DOCK9: variants seen among roughly 807,000 people sequenced by gnomAD.
DOCK9 encodes the protein dedicator of cytokinesis 9.
Under a neutral mutation model 263.3 loss-of-function variants are expected in DOCK9, and 89 were observed. The ratio of observed to expected loss-of-function variants is 0.34; its 90% CI spans 0.28 to 0.40. The LOEUF (loss-of-function observed/expected upper bound fraction) is 0.40, where lower values mean the gene tolerates loss of function less well. Among genes scored for constraint, DOCK9 ranks in the 10% least tolerant of loss-of-function variants. The probability of loss-of-function intolerance (pLI) is 1.00; values close to 1 mark genes in which losing one functional copy is unlikely to be tolerated. For missense variants in DOCK9, 2,140 were observed against 2,603.4 expected (o/e 0.82, Z 3.87); for synonymous variants, 976 against 973.1 (o/e 1.00, Z -0.06).
At chr13:98,873,539 C>T (rs532483256) in intron 27 of DOCK9, among the ~76,000 whole-genome samples, 1 of 152,216 alleles carries the variant, frequency 6.6e-6, no homozygotes. Flanking sequence ...ACCGTCATGG[C>T]TAACTCTGGC....
chr13:99,045,597 C>T (rs903220835), intron 1 of DOCK9, among the ~76,000 whole-genome samples: 1 of 152,056 alleles, frequency 6.6e-6, no homozygotes, highest in Non-Finnish European at 1.5e-5. Flanking sequence ...AAATAAATAG[C>T]TGAGAGTAGA....
chr13:98,853,462 C>G lies in DOCK9; in HGVS notation c.3892G>C (p.Glu1298Gln). ...VVRCDKLDQS[E>Q]IKSLLMCFLY... is the part of the protein sequence containing the mutation. ...AAACACATCAGTAGGCTCTTAATCT[C>G]AGACTGGTCAAGTTTATCACAGCGA... Residue 1298 changes from glutamate to glutamine, a missense_variant, in exon 35 of 53, where the codon GAG (glutamate) becomes CAG (glutamine). This residue lies in a region of DOCK9 where 1,521 missense variants were observed against 1,741.7 expected (regional missense o/e 0.87). Transcript: ENST00000682017. The G allele has an allele frequency of 6.2e-7, 1 of 1,613,736 alleles. No homozygotes were observed. Among genetic ancestry groups the G allele is most frequent in the African/African-American group, 1.3e-5 (1 of 75,028 alleles).
chr13:98,804,336 C>T (rs1181364642), intron 49 of DOCK9, among the ~76,000 whole-genome samples: 3 of 152,198 alleles, frequency 2.0e-5, no homozygotes, highest in Admixed American at 2.0e-4. Context: ...GTAAAAATCA[C>T]CCCAGGATGA....
chr13:98,815,768 A>C (rs1294196070), intron 45 of DOCK9, among the ~76,000 whole-genome samples: 1 of 152,138 alleles, frequency 6.6e-6, no homozygotes, highest in African/African-American at 2.4e-5. Context: ...GGCGTGAGCC[A>C]CCGCGCCCGG....
intron 5 of DOCK9, 92 bp downstream of exon 5, chr13:98,923,210 T>C (rs1482080334): frequency 3.9e-6 from 5 of 1,272,036 alleles, no homozygotes; most frequent in African/African-American, 1.5e-5. Flanking sequence ...TTTGGCTAAA[T>C]GTCGGTAATT....
chr13:98,883,550 C>A (rs1225988657), intron 22 of DOCK9, among the ~76,000 whole-genome samples: 1 of 152,138 alleles, frequency 6.6e-6, no homozygotes, highest in Non-Finnish European at 1.5e-5. Context: ...CCAGCCTCAT[C>A]TTATTAAGAC....
chr13:98,948,972 T>C (rs1231640306), intron 2 of DOCK9, among the ~76,000 whole-genome samples: 1 of 152,216 alleles, frequency 6.6e-6, no homozygotes, highest in Non-Finnish European at 1.5e-5. Flanking sequence ...CTTGGGTTGC[T>C]TCCCGCTTTC....
chr13:99,074,791 A>G (rs542546066), intron 1 of DOCK9, among the ~76,000 whole-genome samples: 26 of 152,330 alleles, frequency 1.7e-4, no homozygotes, highest in African/African-American at 6.3e-4. Flanking sequence ...AGTTGCAGCA[A>G]GCTTGGCCCA....
At chr13:98,952,015 A>G (rs536061075) in intron 2 of DOCK9, among the ~76,000 whole-genome samples, 58 of 150,936 alleles carry the variant, frequency 3.8e-4, no homozygotes, top group Non-Finnish European at 5.6e-4. Flanking sequence ...CTCTTGCCTC[A>G]GCCTCCCAAG....
intron 1 of DOCK9, among the ~76,000 whole-genome samples, chr13:98,999,745 A>G (rs1352077967): frequency 6.6e-6 from 1 of 152,222 alleles, no homozygotes; most frequent in Non-Finnish European, 1.5e-5. Flanking sequence ...TTTTCAGATA[A>G]ACATGCATCT....
intron 1 of DOCK9, among the ~76,000 whole-genome samples, chr13:99,048,313 G>A (rs945863021): frequency 2.6e-5 from 4 of 152,190 alleles, no homozygotes; most frequent in Non-Finnish European, 5.9e-5. Context: ...CAGCCTGCGT[G>A]CACCCCAGCG....
In DOCK9 at chr13:98,860,498, G is replaced by C. The variant is rs747802586; in HGVS notation, c.3604C>G (p.Leu1202Val). 2.5e-6 allele frequency: 4 copies of C among 1,575,550 alleles called. No homozygotes were observed. In the African/African-American group the frequency reaches 4.0e-5, roughly 16 times the overall value. The change falls in exon 33 of 53, where the codon CTA becomes GTA. Residue 1202 changes from leucine (L) to valine (V), a missense_variant. Physicochemically the swap from Leu to Val is conservative, Grantham distance 32. Around this residue, in one of 2 missense-constraint regions of DOCK9, gnomAD observed 1,521 missense variants for 1,741.7 expected, o/e 0.87. Transcript: ENST00000682017. ...GTCACCAGCGGATTCACAGCTGGTA[G>C]AGCCAGGGATTCATCCTTCACAGTC... is the stretch of plus-strand genomic sequence containing the variant. ...GMTVKDESLA[L>V]PAVNPLVTPQ...
intron 39 of DOCK9, among the ~76,000 whole-genome samples, chr13:98,832,327 T>A (rs1010573707): frequency 1.3e-5 from 2 of 152,130 alleles, no homozygotes; most frequent in African/African-American, 4.8e-5. Context: ...AGGCATGAAT[T>A]TGCACAGGTA....
chr13:98,889,387 T>A (rs2046284211), intron 15 of DOCK9, among the ~76,000 whole-genome samples: 1 of 152,138 alleles, frequency 6.6e-6, no homozygotes, highest in Admixed American at 6.5e-5. Flanking sequence ...CAAAAACCTA[T>A]TGAAATAAAA....
intron 1 of DOCK9, among the ~76,000 whole-genome samples, chr13:99,066,547 A>G (rs9743316): frequency 0.28 from 42,429 of 152,088 alleles, 6,303 homozygotes; most frequent in East Asian, 0.43. Context: ...AATATACTAT[A>G]TTATTTAACA....
chr13:98,860,569 A>G (rs371690039), intron 32 of DOCK9, 47 bp from the exon 33 acceptor site: 3 of 1,507,272 alleles, frequency 2.0e-6, no homozygotes, highest in Non-Finnish European at 2.7e-6. Context: ...ACTGGAAAGG[A>G]TTCCTCCCCT....
At chr13:98,981,942 C>T (rs1476863892), upstream of DOCK9, among the ~76,000 whole-genome samples, 2 of 152,196 alleles carry the variant, frequency 1.3e-5, no homozygotes, top group East Asian at 1.9e-4. Context: ...GTCCGACCCC[C>T]GATTCAACTT....
chr13:98,977,350 C>A (rs1274149676), intron 1 of DOCK9, among the ~76,000 whole-genome samples: 1 of 152,192 alleles, frequency 6.6e-6, no homozygotes, highest in African/African-American at 2.4e-5. Flanking sequence ...ATATTTCCAA[C>A]AGTTATGTTC....
intron 1 of DOCK9, among the ~76,000 whole-genome samples, chr13:99,040,773 G>A (rs1002504856): frequency 7.9e-5 from 12 of 152,196 alleles, no homozygotes; most frequent in Non-Finnish European, 1.6e-4. Flanking sequence ...ATAATAGGAT[G>A]TATTTGACCA....
Sources: gnomAD v4.1 joint callset for allele counts (sites outside exome capture counted in the v4.1 genomes callset) on GRCh38, gnomAD v4.1.1 for gene constraint, gnomAD v4.1.1 regional missense constraint, MANE v1.5 for transcripts, NCBI Gene and HGNC (gene_info 2026-07-23, HGNC 2026-07-21) for gene names.